EPS15L1: variants seen among roughly 807,000 people sequenced by gnomAD.
The protein encoded by EPS15L1 is epidermal growth factor receptor substrate 15-like 1.
EPS15L1 carries 43 observed loss-of-function variants against 117.1 expected under a neutral mutation model. That is an observed-to-expected ratio of 0.37 (90% CI 0.29 to 0.47). The LOEUF is 0.47. EPS15L1 is among the 20% of genes least tolerant of loss of function. The pLI, the probability that EPS15L1 is intolerant of heterozygous loss-of-function variation, is 0.99. For synonymous variants in EPS15L1, 459 were observed against 470.5 expected, an observed-to-expected ratio of 0.98 and a Z score of 0.32; for missense variants, 981 against 1,164.0, an observed-to-expected ratio of 0.84 and a Z score of 2.29.
chr19:16,441,978 C>T lies in EPS15L1; in HGVS notation c.79G>A (p.Asp27Asn). Residue 27 changes from aspartate (D) to asparagine (N), a missense_variant, in exon 3 of 24, where the codon GAT becomes AAT. Physicochemically the swap from Asp to Asn is conservative, Grantham distance 23 (BLOSUM62 1). This residue lies in a region of EPS15L1 where 62 missense variants were observed against 104.2 expected (regional missense o/e 0.59). Coordinates refer to ENST00000455140, the MANE Select transcript of EPS15L1 (RefSeq NM_001258374.3). ...CCCACCCTCCCTGTGTATGCCGGAT[C>T]GACCTGAAATGGGAGACCAAGAGGC... ...SLYESYYKQV[D>N]PAYTGRVGAS... 3 of 1,612,018 alleles carry T rather than the reference C, an allele frequency of 1.9e-6. No individual in the cohort carries two copies. Among genetic ancestry groups the T allele is most frequent in the Non-Finnish European group, 2.5e-6 (3 of 1,179,162 alleles).
chr19:16,398,249 T>G (rs61110114), intron 16 of EPS15L1, among the ~76,000 whole-genome samples: 2,038 of 152,320 alleles, frequency 0.013, 42 homozygotes, highest in African/African-American at 0.046. Flanking sequence ...CCCACATCCC[T>G]GCCATCTGAT....
intron 1 of EPS15L1, among the ~76,000 whole-genome samples, chr19:16,460,848 C>T (rs2093242340): frequency 6.6e-6 from 1 of 152,188 alleles, no homozygotes; most frequent in South Asian, 2.1e-4. Flanking sequence ...GGGGACAGTC[C>T]ATCCCCATAA....
chr19:16,403,558 G>C (rs1459861850), intron 15 of EPS15L1, among the ~76,000 whole-genome samples, 175 bp downstream of exon 15: 1 of 152,122 alleles, frequency 6.6e-6, no homozygotes, highest in Non-Finnish European at 1.5e-5. Flanking sequence ...ACAAACTCTG[G>C]AACATGCCCT....
At position 16,437,819 on chromosome 19, in the gene EPS15L1, T is replaced by C. The variant is rs1599649238; in HGVS notation, c.260A>G (p.His87Arg). 1 of 1,614,078 alleles carries C rather than the reference T, an allele frequency of 6.2e-7. No individual in the cohort carries two copies. The highest frequency in any genetic ancestry group is 1.7e-5 in the Admixed American group (1 of 59,998). The change falls in exon 5 of 24, where the codon CAT becomes CGT. Residue 87 changes from histidine (H) to arginine (R), a missense_variant. Transcript: ENST00000455140. ...LRLVACAQSG[H>R]EVTLSNLNLS... is the part of the protein sequence containing the mutation. ...ATTCAGATTGCTCAAGGTAACTTCA[T>C]GGCCACTCTGTGCACAGGCCACCAG...
In EPS15L1 at chr19:16,442,302, G is replaced by T; in HGVS notation, c.34-83C>A. 2.9e-6 allele frequency: 3 copies of T among 1,035,326 alleles called. No homozygotes were observed. In the South Asian group the frequency reaches 4.0e-5, roughly 14 times the overall value. 64.1% of individuals were successfully genotyped at this position (1,035,326 alleles called of 1,614,324 possible). ...AGGGTTGCCCCCTCAATTTTGTCAT[G>T]ACCAAAATATATGATGATAGTTAGA... On this transcript the variant is annotated intron_variant, in intron 1 of 23. Transcript: ENST00000455140.
rs750367780 is a variant in EPS15L1 at position 16,395,446 on chromosome 19, C to T, written c.1813G>A (p.Ala605Thr). Reference protein sequence around the residue: ...GAMDDPFKNKALLFSNNTQEL... With the variant: ...GAMDDPFKNKTLLFSNNTQEL... ...TGCGTGTTGTTGCTAAATAACAAGG[C>T]TTTATTTTTGAAAGGATCATCCTAC... Residue 605 changes from alanine to threonine, a missense_variant, in exon 17 of 24, where the codon GCC becomes ACC. Coordinates refer to ENST00000455140, the MANE Select transcript of EPS15L1 (RefSeq NM_001258374.3). 6.2e-7 allele frequency: 1 copy of T among 1,613,658 alleles called. No homozygotes were observed. The highest frequency in any genetic ancestry group is 8.5e-7 in the Non-Finnish European group (1 of 1,179,682).
chr19:16,454,898 G>A (rs1428378829), intron 1 of EPS15L1, among the ~76,000 whole-genome samples: 3 of 151,852 alleles, frequency 2.0e-5, no homozygotes, highest in African/African-American at 7.3e-5. Context: ...TGGGGGCTAA[G>A]GTGGGTGGAT....
In EPS15L1 at chr19:16,400,336, C is replaced by CAAAAAAA. The variant is rs1162302779; in HGVS notation, c.1791+1978_1791+1984dup. Among the ~76,000 whole-genome samples the CAAAAAAA allele has an allele frequency of 8.2e-4, 50 of 60,664 alleles. 1 individual carries two copies. Among genetic ancestry groups the CAAAAAAA allele is most frequent in the African/African-American group, 2.0e-3 (33 of 16,242 alleles). The allele number at this position is 60,664 out of a possible 152,430, so 39.8% of individuals were successfully genotyped here. A position where few individuals can be genotyped will look rare whatever the true frequency, so the allele number is the denominator to read the frequency against. ...TGGGAGACAGAGCGAGACTCCGTCT[C>CAAAAAAA]AAAAAAAAAAAAACAAAAACAAAAA... is the stretch of plus-strand genomic sequence containing the variant. On this transcript the variant is annotated intron_variant, in intron 16 of 23. Coordinates refer to ENST00000455140, the MANE Select transcript of EPS15L1 (RefSeq NM_001258374.3).
chr19:16,400,786 C>T, intron 16 of EPS15L1: 1 of 985,326 alleles, frequency 1.0e-6, no homozygotes, highest in Non-Finnish European at 1.2e-6. Flanking sequence ...CAAAAATAAC[C>T]AGAAAGGTAA....
At chr19:16,386,022 T>C in intron 20 of EPS15L1, 149 bp downstream of exon 20, 1 of 643,750 alleles carries the variant, frequency 1.6e-6, no homozygotes, top group Non-Finnish European at 2.8e-6. Context: ...TGTTTTGGCC[T>C]AATGGGCTCA....
intron 21 of EPS15L1, among the ~76,000 whole-genome samples, chr19:16,378,279 C>A (rs980201898): frequency 6.6e-6 from 1 of 152,042 alleles, no homozygotes; most frequent in Admixed American, 6.5e-5. Context: ...ATCGCTGCCC[C>A]AGCTGCCTGA....
rs372907109 is a variant in EPS15L1, at chr19:16,441,999, G to C, written c.76-18C>G. The C allele has an allele frequency of 1.4e-3, 2,195 of 1,604,276 alleles. 1 individual carries two copies. The highest frequency in any genetic ancestry group is 1.6e-3 in the Non-Finnish European group (1,914 of 1,174,056). On this transcript the variant is annotated intron_variant, in intron 2 of 23. Transcript: ENST00000455140. The stretch of plus-strand genomic sequence containing the variant: ...GGATCGACCTGAAATGGGAGACCAA[G>C]AGGCAAAATAACTTTTCAGCAAATG...
chr19:16,459,190 G>A (rs573245905), intron 1 of EPS15L1, among the ~76,000 whole-genome samples: 139 of 152,336 alleles, frequency 9.1e-4, no homozygotes, highest in African/African-American at 3.2e-3. Flanking sequence ...TGCGGTGCGT[G>A]ACTGCATTCC....
chr19:16,448,563 GC>G (rs999823628), intron 1 of EPS15L1, among the ~76,000 whole-genome samples: 2 of 143,620 alleles, frequency 1.4e-5, no homozygotes, highest in Non-Finnish European at 3.0e-5. Flanking sequence ...GGGGAGAAAG[GC>G]CGGGCGCGGT....
intron 5 of EPS15L1, among the ~76,000 whole-genome samples, chr19:16,437,562 T>C (rs1054254711): frequency 5.3e-5 from 8 of 152,124 alleles, no homozygotes; most frequent in Admixed American, 4.6e-4. Flanking sequence ...TAGACAGAGG[T>C]AATGAAGACA....
chr19:16,403,917 T>C lies in EPS15L1; in HGVS notation c.1442A>G (p.Lys481Arg), dbSNP rs1460721235. The C allele has an allele frequency of 6.2e-7, 1 of 1,613,930 alleles. No homozygotes were observed. Among genetic ancestry groups the C allele is most frequent in the Admixed American group, 1.7e-5 (1 of 60,002 alleles). Residue 481 changes from lysine to arginine, a missense_variant, in exon 15 of 24, where the codon AAA becomes AGA. Physicochemically the swap from Lys to Arg is conservative, Grantham distance 26. Around this residue, in one of 5 missense-constraint regions of EPS15L1, gnomAD observed 819 missense variants for 949.0 expected, o/e 0.86. Transcript: ENST00000455140. Reference sequence around the variant, plus strand: ...AGATTCCTGAGATTGGATTTGCGTTTTCAGTGATGAGATCTGAAATGAGAT... The same window carrying C: ...AGATTCCTGAGATTGGATTTGCGTTCTCAGTGATGAGATCTGAAATGAGAT... ...QDETQMISSL[K>R]TQIQSQESDL...
At chr19:16,463,746 G>A (rs911699620) in intron 1 of EPS15L1, among the ~76,000 whole-genome samples, 1 of 152,170 alleles carries the variant, frequency 6.6e-6, no homozygotes, top group Non-Finnish European at 1.5e-5. Flanking sequence ...AATTATAAAC[G>A]GCTAAATGGA....
At chr19:16,419,338 A>T (rs1368504199) in intron 10 of EPS15L1, among the ~76,000 whole-genome samples, 1 of 152,284 alleles carries the variant, frequency 6.6e-6, no homozygotes, top group East Asian at 1.9e-4. Context: ...GCGCGCCTGT[A>T]ATCCCAGCTG....
chr19:16,385,120 G>A lies in EPS15L1; in HGVS notation c.2247+9C>T. ...GCAGAGGCGCGGGGGCTCCGTGGAGGGGCTTTACCTTGGACATCTGGCTGA... is the reference window on the plus strand; with the variant it reads ...GCAGAGGCGCGGGGGCTCCGTGGAGAGGCTTTACCTTGGACATCTGGCTGA... On this transcript the variant is annotated intron_variant, in intron 21 of 23. Transcript: ENST00000455140. 6.2e-7 allele frequency: 1 copy of A among 1,612,554 alleles called. No homozygotes were observed. Among genetic ancestry groups the A allele is most frequent in the Non-Finnish European group, 8.5e-7 (1 of 1,178,600 alleles).
Sources: allele counts gnomAD v4.1 joint callset (sites outside exome capture counted in the v4.1 genomes callset), GRCh38; gene constraint gnomAD v4.1.1; regional missense constraint gnomAD v4.1.1; transcripts MANE v1.5; gene names NCBI Gene and HGNC (gene_info 2026-07-23, HGNC 2026-07-21).